Variants in WSCD2 observed in about 807,000 individuals in gnomAD.
WSCD2 encodes the protein WSC domain sialate O sulfotransferase 2.
WSCD2 carries 28 observed loss-of-function variants against 55.7 expected under a neutral mutation model. The ratio of observed to expected loss-of-function variants is 0.50; its 90% CI spans 0.37 to 0.69. The LOEUF is 0.69. Ranked by LOEUF, WSCD2 falls within the 30% of genes least tolerant of loss-of-function variation. WSCD2 has a pLI of 0.00. For synonymous variants in WSCD2, 301 were observed against 301.9 expected, an observed-to-expected ratio of 1.00 and a Z score of 0.03; for missense variants, 616 against 762.1, an observed-to-expected ratio of 0.81 and a Z score of 2.26.
chr12:108,210,297 C>T lies in WSCD2; in HGVS notation c.674C>T (p.Ala225Val), dbSNP rs1402740647. ...VYRLQLAQES[A>V]RRYGSAVFRG... ...CGGCTGCAGCTGGCCCAGGAGTCGG[C>T]CCGCAGGTGTACGTGAGTCTGCCCT... The change falls in exon 4 of 9, where the codon GCC (alanine) becomes GTC (valine). Residue 225 changes from alanine (A) to valine (V), a missense_variant. By Grantham distance (64) the Ala-to-Val change is moderately conservative. Transcript: ENST00000547525. The surrounding 1 kb of genome is among the most constrained non-coding windows in gnomAD (Gnocchi z 4.3). 1.3e-6 allele frequency: 2 copies of T among 1,583,132 alleles called. No individual in the cohort carries two copies. The highest frequency in any genetic ancestry group is 2.3e-5 in the South Asian group (2 of 88,122).
chr12:108,225,644 TG>T (rs1197711951), intron 5 of WSCD2, among the ~76,000 whole-genome samples: 1 of 152,166 alleles, frequency 6.6e-6, no homozygotes, highest in African/African-American at 2.4e-5. Flanking sequence ...TTGGGTTGGA[TG>T]ATCTTTCTTC....
intron 6 of WSCD2, 86 bp from the exon 7 acceptor site, chr12:108,232,645 C>G: frequency 7.5e-7 from 1 of 1,333,220 alleles, no homozygotes; most frequent in Non-Finnish European, 1.0e-6. Flanking sequence ...TGAGAAGTGG[C>G]AGGGGTGTGA....
At position 108,250,482 on chromosome 12, in the gene WSCD2, T is replaced by G. The variant is rs1296441228; in HGVS notation, c.*2139T>G. 6.6e-6 allele frequency: 1 copy of G among 152,186 alleles called. No homozygotes were observed. Among genetic ancestry groups the G allele is most frequent in the Non-Finnish European group, 1.5e-5 (1 of 68,040 alleles). The allele number at this position is 152,186 out of a possible 1,614,324, so 9.4% of individuals were successfully genotyped here. On this transcript the variant is annotated 3_prime_UTR_variant, in exon 9 of 9. Coordinates refer to ENST00000547525, the MANE Select transcript of WSCD2 (RefSeq NM_014653.4). ...CTTATTTGTAATGAGTCTGTGCAGG[T>G]CCTTGTGTATGGAATTGCACCCGTG...
rs575671321 is a variant in WSCD2 at position 108,142,204 on chromosome 12, A to C, written c.-552+12278A>C. ...AACTAATCCCAGCTGTGTTTTGATAAGGTAGAATTAAAAATGGCACTGGGT... is the reference window on the plus strand; with the variant it reads ...AACTAATCCCAGCTGTGTTTTGATACGGTAGAATTAAAAATGGCACTGGGT... On this transcript the variant is annotated intron_variant, in intron 1 of 8. Transcript: ENST00000547525. Among the ~76,000 whole-genome samples, 6 of 152,308 alleles carry C rather than the reference A, an allele frequency of 3.9e-5. No homozygotes were observed. In the South Asian group the frequency reaches 1.2e-3, roughly 32 times the overall value.
In WSCD2 at chr12:108,195,345, T is replaced by C. The variant is rs1883780309; in HGVS notation, c.-488T>C. On this transcript the variant is annotated 5_prime_UTR_variant, in exon 2 of 9. The change abolishes the stop of an existing upstream ORF in the 5' untranslated region. Coordinates refer to ENST00000547525, the MANE Select transcript of WSCD2 (RefSeq NM_014653.4). The stretch of plus-strand genomic sequence containing the variant: ...CCCACCAGCTTCTGTTCCCATGAGG[T>C]AGAAAGGCCAAGCTTGGTCTTCAGC... 6.5e-6 allele frequency: 1 copy of C among 153,820 alleles called. No individual in the cohort carries two copies. The allele number at this position is 153,820 out of a possible 1,614,324, so 9.5% of individuals were successfully genotyped here.
At position 108,240,423 on chromosome 12, in the gene WSCD2, C is replaced by G; in HGVS notation, c.1224C>G (p.Ile408Met). The part of the protein sequence containing the change: ...IKTHESGQKE[I>M]EAFDAAILLI... ...CGCACGAAAGCGGCCAGAAAGAGAT[C>G]GAGGCCTTCGACGCCGCCATCCTGC... Residue 408 changes from isoleucine to methionine, a missense_variant, in exon 8 of 9, where the codon ATC (isoleucine) becomes ATG (methionine). Transcript: ENST00000547525. 2.5e-6 allele frequency: 4 copies of G among 1,614,142 alleles called. No homozygotes were observed. Among genetic ancestry groups the G allele is most frequent in the Non-Finnish European group, 3.4e-6 (4 of 1,180,040 alleles).
chr12:108,229,046 T>G (rs1888447762), intron 6 of WSCD2, among the ~76,000 whole-genome samples: 1 of 152,210 alleles, frequency 6.6e-6, no homozygotes, highest in Non-Finnish European at 1.5e-5. Flanking sequence ...AATTCCCTAA[T>G]TGATGAATTT....
intron 1 of WSCD2, among the ~76,000 whole-genome samples, chr12:108,162,026 C>T (rs1879118381): frequency 6.6e-6 from 1 of 152,214 alleles, no homozygotes; most frequent in South Asian, 2.1e-4. Context: ...GATGGGGACA[C>T]TGAGGCTCAC....
chr12:108,169,377 C>A (rs1249148037), intron 1 of WSCD2, among the ~76,000 whole-genome samples: 1 of 152,016 alleles, frequency 6.6e-6, no homozygotes, highest in Non-Finnish European at 1.5e-5. Context: ...TGAAACCGGT[C>A]CCTGGTGCCA....
Position 108,210,398 on chromosome 12 carries a change from C to T in WSCD2, c.682+93C>T. 2.1e-6 allele frequency: 3 copies of T among 1,445,960 alleles called. No homozygotes were observed. In the East Asian group the frequency reaches 7.4e-5, roughly 36 times the overall value. The allele number at this position is 1,445,960 out of a possible 1,614,324, so 89.6% of individuals were successfully genotyped here. On this transcript the variant is annotated intron_variant, in intron 4 of 8. Coordinates refer to ENST00000547525, the MANE Select transcript of WSCD2 (RefSeq NM_014653.4). The surrounding 1 kb of genome is among the most constrained non-coding windows in gnomAD (Gnocchi z 4.3). The stretch of plus-strand genomic sequence containing the variant: ...TCCCACATGTCTGCCCTGTACCCTC[C>T]ATGGCTCCCCATCACTCCAAGGCCA...
intron 1 of WSCD2, among the ~76,000 whole-genome samples, chr12:108,143,472 G>A (rs1393549872): frequency 6.6e-6 from 1 of 152,202 alleles, no homozygotes; most frequent in Non-Finnish European, 1.5e-5. Flanking sequence ...ACCAAGGAAA[G>A]GGAAGAGATA....
intron 1 of WSCD2, among the ~76,000 whole-genome samples, chr12:108,194,884 C>T (rs560494908): frequency 4.1e-4 from 62 of 152,242 alleles, no homozygotes; most frequent in Admixed American, 2.7e-3. Flanking sequence ...CAGAATTGCC[C>T]AGGTTCAGCA....
In WSCD2 at chr12:108,240,443, T is replaced by C. The variant is rs1889636957; in HGVS notation, c.1244T>C (p.Ile415Thr). The change falls in exon 8 of 9, where the codon ATC (isoleucine) becomes ACC (threonine). Residue 415 changes from isoleucine (I) to threonine (T), a missense_variant. This residue lies in a region of WSCD2 where 234 missense variants were observed against 264.6 expected (regional missense o/e 0.88). Coordinates refer to ENST00000547525, the MANE Select transcript of WSCD2 (RefSeq NM_014653.4). ...GAGATCGAGGCCTTCGACGCCGCCA[T>C]CCTGCTCATCCGCAACCCCTACAAA... ...QKEIEAFDAA[I>T]LLIRNPYKAL... 2 of 1,614,082 alleles carry C rather than the reference T, an allele frequency of 1.2e-6. No individual in the cohort carries two copies. The highest frequency in any genetic ancestry group is 1.7e-6 in the Non-Finnish European group (2 of 1,180,032).
intron 4 of WSCD2, among the ~76,000 whole-genome samples, chr12:108,218,313 C>T (rs900017716): frequency 6.6e-6 from 1 of 152,166 alleles, no homozygotes; most frequent in Non-Finnish European, 1.5e-5. Context: ...GAAACAGAGT[C>T]GGGATTAGAG....
At chr12:108,175,446 G>T (rs532517645) in intron 1 of WSCD2, among the ~76,000 whole-genome samples, 1 of 152,314 alleles carries the variant, frequency 6.6e-6, no homozygotes, top group Admixed American at 6.5e-5. Flanking sequence ...AGATAATCAG[G>T]CCTCCCCTCG....
chr12:108,226,259 C>T (rs1888074796), intron 5 of WSCD2, among the ~76,000 whole-genome samples: 1 of 152,142 alleles, frequency 6.6e-6, no homozygotes, highest in Non-Finnish European at 1.5e-5. Context: ...AAGACAGACC[C>T]TTGCCCGCCA....
At chr12:108,179,976 G>A (rs1009319878) in intron 1 of WSCD2, among the ~76,000 whole-genome samples, 2 of 149,880 alleles carry the variant, frequency 1.3e-5, no homozygotes, top group African/African-American at 4.9e-5. Context: ...CTGGGAAGCA[G>A]AGGTTGCAGT....
At chr12:108,159,225 TGA>T (rs1469811090) in intron 1 of WSCD2, among the ~76,000 whole-genome samples, 2 of 152,228 alleles carry the variant, frequency 1.3e-5, no homozygotes, top group Non-Finnish European at 2.9e-5. Flanking sequence ...CTTCTCCAGC[TGA>T]CTCTCCTTAG....
Position 108,210,216 on chromosome 12 carries a change from A to G in WSCD2, c.593A>G (p.Glu198Gly), listed in dbSNP as rs1885970074. 6.2e-7 allele frequency: 1 copy of G among 1,613,788 alleles called. No individual in the cohort carries two copies. Residue 198 changes from glutamate (E) to glycine (G), a missense_variant, in exon 4 of 9, where the codon GAG (glutamate) becomes GGG (glycine). Around this residue, in one of 3 missense-constraint regions of WSCD2, gnomAD observed 374 missense variants for 467.4 expected, o/e 0.80. Coordinates refer to ENST00000547525, the MANE Select transcript of WSCD2 (RefSeq NM_014653.4). This position sits in a 1 kb window ranked among gnomAD's most constrained non-coding sequence, Gnocchi z 4.3. ...GTGAGCGAGGCAGAGTGCGACATGGAGTGCAAGGGCGAGCGAGGCAGCGTG... is the reference window on the plus strand; with the variant it reads ...GTGAGCGAGGCAGAGTGCGACATGGGGTGCAAGGGCGAGCGAGGCAGCGTG... ...TNVSEAECDM[E>G]CKGERGSVCG...
Sources: gnomAD v4.1 joint callset for allele counts (sites outside exome capture counted in the v4.1 genomes callset) on GRCh38, gnomAD v4.1.1 for gene constraint, gnomAD v4.1.1 regional missense constraint, Gnocchi (gnomAD v3.1) non-coding constraint, MANE v1.5 for transcripts, NCBI Gene and HGNC (gene_info 2026-07-23, HGNC 2026-07-21) for gene names.